PHACTR1: variants seen among roughly 807,000 people sequenced by gnomAD.
The protein encoded by PHACTR1 is phosphatase and actin regulator 1.
PHACTR1 carries 16 observed loss-of-function variants against 69.2 expected under a neutral mutation model. The ratio of observed to expected loss-of-function variants is 0.23; its 90% confidence interval spans 0.16 to 0.35. The LOEUF is 0.35. Among genes scored for constraint, PHACTR1 ranks in the 10% least tolerant of loss-of-function variants. The pLI is 1.00. For synonymous variants in PHACTR1, 312 were observed against 284.5 expected, an observed-to-expected ratio of 1.10 and a Z score of -0.97; for missense variants, 510 against 734.7, an observed-to-expected ratio of 0.69 and a Z score of 3.54.
At chr6:13,014,817 G>A (rs1335137966) in intron 4 of PHACTR1, among the ~76,000 whole-genome samples, 1 of 152,248 alleles carries the variant, frequency 6.6e-6, no homozygotes, top group Non-Finnish European at 1.5e-5. Context: ...AAGTAGAGCA[G>A]TGAAGGCGTG....
At chr6:13,002,165 C>T (rs1798168376) in intron 4 of PHACTR1, among the ~76,000 whole-genome samples, 1 of 152,186 alleles carries the variant, frequency 6.6e-6, no homozygotes, top group Non-Finnish European at 1.5e-5. Flanking sequence ...TTGGAGAGCA[C>T]AGTGGCACAT....
intron 10 of PHACTR1, among the ~76,000 whole-genome samples, chr6:13,251,844 C>A (rs1479596892): frequency 6.6e-6 from 1 of 151,864 alleles, no homozygotes; most frequent in Non-Finnish European, 1.5e-5. Flanking sequence ...TGCTTGAGGC[C>A]AGGAGTTCAA....
chr6:13,065,799 C>T (rs769299203), intron 5 of PHACTR1, among the ~76,000 whole-genome samples: 1 of 152,054 alleles, frequency 6.6e-6, no homozygotes, highest in Admixed American at 6.6e-5. Flanking sequence ...TGACAATTCT[C>T]GTGACTAGGA....
At chr6:13,191,333 C>T (rs1423439925) in intron 7 of PHACTR1, among the ~76,000 whole-genome samples, 1 of 152,172 alleles carries the variant, frequency 6.6e-6, no homozygotes, top group Admixed American at 6.5e-5. Context: ...CGGTCAAGTG[C>T]AGCCATAAGG....
intron 5 of PHACTR1, among the ~76,000 whole-genome samples, chr6:13,155,905 A>T (rs185725641): frequency 1.3e-5 from 2 of 152,006 alleles, no homozygotes; most frequent in Non-Finnish European, 2.9e-5. Flanking sequence ...AAAAACCTGA[A>T]GATTTCCTTA....
At chr6:12,784,583 TACAC>T (rs1305070385) in intron 4 of PHACTR1, among the ~76,000 whole-genome samples, 1 of 151,918 alleles carries the variant, frequency 6.6e-6, no homozygotes, top group Admixed American at 6.6e-5. Flanking sequence ...GATATATACA[TACAC>T]ACTTACATGT....
At chr6:12,979,729 C>CA (rs761107919) in intron 4 of PHACTR1, among the ~76,000 whole-genome samples, 1,516 of 127,758 alleles carry the variant, frequency 0.012, 20 homozygotes, top group East Asian at 0.044. Context: ...CCCCCTCCTC[C>CA]AAAAAAAAAA....
At chr6:13,279,830 G>C (rs1779761236) in intron 12 of PHACTR1, 1 of 152,214 alleles carries the variant, frequency 6.6e-6, no homozygotes, top group South Asian at 2.1e-4. Flanking sequence ...AAGAGCAGGA[G>C]AGATGCATTA....
At chr6:12,859,939 A>G (rs1780773827) in intron 4 of PHACTR1, among the ~76,000 whole-genome samples, 1 of 152,094 alleles carries the variant, frequency 6.6e-6, no homozygotes, top group Non-Finnish European at 1.5e-5. Context: ...CTAAGGTACC[A>G]TTGCGCTTCC....
chr6:12,945,165 C>T (rs1481443785), intron 4 of PHACTR1, among the ~76,000 whole-genome samples: 1 of 152,108 alleles, frequency 6.6e-6, no homozygotes, highest in Non-Finnish European at 1.5e-5. Context: ...TCCCCTTTTG[C>T]CTCCTTTATT....
At chr6:13,037,110 T>C (rs1262362414) in intron 4 of PHACTR1, among the ~76,000 whole-genome samples, 1 of 152,122 alleles carries the variant, frequency 6.6e-6, no homozygotes, top group Non-Finnish European at 1.5e-5. Flanking sequence ...CAGGCCTGAT[T>C]ACCCCATGAT....
chr6:13,034,919 T>C (rs1194361697), intron 4 of PHACTR1, among the ~76,000 whole-genome samples: 1 of 152,228 alleles, frequency 6.6e-6, no homozygotes, highest in Non-Finnish European at 1.5e-5. Flanking sequence ...TCAACAAATA[T>C]CAAATGCTGT....
intron 10 of PHACTR1, among the ~76,000 whole-genome samples, chr6:13,241,478 T>G (rs895379475): frequency 6.6e-6 from 1 of 152,086 alleles, no homozygotes; most frequent in African/African-American, 2.4e-5. Context: ...CACACTAAAG[T>G]TTGAGAAGCA....
Position 13,134,601 on chromosome 6 carries a change from C to G in PHACTR1, c.416-25603C>G, listed in dbSNP as rs529536647. Among the ~76,000 whole-genome samples, 8 of 151,964 alleles carry G rather than the reference C, an allele frequency of 5.3e-5. No homozygotes were observed. The South Asian group carries it at 1.5e-3, about 28-fold the overall frequency. On this transcript the variant is annotated intron_variant, in intron 5 of 14. Transcript: ENST00000332995. ...ACAGATGCTTGAAGGCAGCATGCTC[C>G]TTAAGAGTCATCACCACTCCCTAAT...
chr6:12,806,189 C>A (rs1278871594), intron 4 of PHACTR1, among the ~76,000 whole-genome samples: 1 of 152,186 alleles, frequency 6.6e-6, no homozygotes, highest in Admixed American at 6.5e-5. Flanking sequence ...CATTTCATAA[C>A]CTAGATAGGA....
At chr6:12,752,725 C>G (rs1225841658) in intron 4 of PHACTR1, among the ~76,000 whole-genome samples, 1 of 152,186 alleles carries the variant, frequency 6.6e-6, no homozygotes, top group African/African-American at 2.4e-5. Flanking sequence ...CTATCTCCAA[C>G]AGTACTTAAT....
In PHACTR1 at chr6:12,749,693, G is replaced by C. The variant is rs1561846818; in HGVS notation, c.153G>C (p.Ser51=). 1 of 1,612,314 alleles carries C rather than the reference G, an allele frequency of 6.2e-7. No individual in the cohort carries two copies. The highest frequency in any genetic ancestry group is 1.1e-5 in the South Asian group (1 of 91,010). Residue 51 remains serine (S), a synonymous_variant, in exon 4 of 15, where the codon TCG becomes TCC. Transcript: ENST00000332995. ...LLPPTLMAAS[S]EDDIDRRPIR... ...CTCCCACATTAATGGCGGCATCCTC[G>C]GAGGATGATATAGACCGGCGGCCCA...
chr6:12,986,475 A>G (rs1365993076), intron 4 of PHACTR1, among the ~76,000 whole-genome samples: 3 of 152,238 alleles, frequency 2.0e-5, no homozygotes, highest in African/African-American at 4.8e-5. Flanking sequence ...GTATGGTTTC[A>G]GTCTTTAGCT....
At chr6:13,251,000 T>TACACAC (rs137996162) in intron 10 of PHACTR1, among the ~76,000 whole-genome samples, 39 of 151,602 alleles carry the variant, frequency 2.6e-4, no homozygotes, top group African/African-American at 9.2e-4. Flanking sequence ...ATATCCATTT[T>TACACAC]ACACACACAC....
Sources: allele counts gnomAD v4.1 joint callset (sites outside exome capture counted in the v4.1 genomes callset), GRCh38; gene constraint gnomAD v4.1.1; transcripts MANE v1.5; gene names NCBI Gene and HGNC (gene_info 2026-07-23, HGNC 2026-07-21).